Variants in PNLIPRP3 observed in about 807,000 individuals in gnomAD.
The protein encoded by PNLIPRP3 is pancreatic lipase-related protein 3.
A neutral mutation model predicts 52.8 loss-of-function variants in PNLIPRP3; 58 were observed. The observed-to-expected ratio is 1.10, with a 90% CI of 0.89 to 1.37. PNLIPRP3 has a LOEUF of 1.37. PNLIPRP3 is among the 40% of genes most tolerant of loss of function. The pLI is 0.00. For missense variants in PNLIPRP3, 593 were observed against 561.6 expected (o/e 1.06, Z -0.57); for synonymous variants, 192 against 185.0 (o/e 1.04, Z -0.31).
chr10:116,440,827 T>C (rs1845847825), intron 2 of PNLIPRP3, among the ~76,000 whole-genome samples: 1 of 152,218 alleles, frequency 6.6e-6, no homozygotes, highest in Non-Finnish European at 1.5e-5. Flanking sequence ...GTAGTTTCTG[T>C]GTCTGCAGCT....
chr10:116,442,548 C>T (rs1036640726), intron 2 of PNLIPRP3, among the ~76,000 whole-genome samples: 6 of 152,118 alleles, frequency 3.9e-5, no homozygotes, highest in African/African-American at 1.4e-4. Flanking sequence ...GTGTTGAATT[C>T]GTATACTGCA....
At chr10:116,469,659 C>T (rs549746850) in intron 9 of PNLIPRP3, among the ~76,000 whole-genome samples, 64 of 152,112 alleles carry the variant, frequency 4.2e-4, no homozygotes, top group Admixed American at 8.5e-4. Context: ...GAAGTGACCA[C>T]GTCTGTAAAT....
rs1416805162 is a variant in PNLIPRP3, at chr10:116,443,829, A to G, written c.325-553A>G. 9.2e-5 allele frequency among the ~76,000 whole-genome samples: 7 copies of G among 75,954 alleles called. 1 individual carries two copies. The highest frequency in any genetic ancestry group is 3.9e-4 in the East Asian group (1 of 2,582). 49.8% of individuals were successfully genotyped at this position (75,954 alleles called of 152,430 possible). A position where few individuals can be genotyped will look rare whatever the true frequency, so the allele number is the denominator to read the frequency against. On this transcript the variant is annotated intron_variant, in intron 3 of 11. Coordinates refer to ENST00000369230, the MANE Select transcript of PNLIPRP3 (RefSeq NM_001011709.3). ...TATATATATATATATATATATATAT[A>G]TATATATATATATATGGGTTAGGAC... is the stretch of plus-strand genomic sequence containing the variant.
At chr10:116,444,579 G>T in intron 4 of PNLIPRP3, 66 bp downstream of exon 4, 2 of 1,477,756 alleles carry the variant, frequency 1.4e-6, no homozygotes, top group South Asian at 1.2e-5. Context: ...TCAGAAGTTG[G>T]GACAATTTAA....
At chr10:116,455,666 T>G (rs949806696) in intron 4 of PNLIPRP3, 56 bp from the exon 5 acceptor site, 2 of 1,275,024 alleles carry the variant, frequency 1.6e-6, no homozygotes, top group Non-Finnish European at 2.3e-6. Context: ...TAAAGCATAT[T>G]TAAGCTATTC....
intron 10 of PNLIPRP3, among the ~76,000 whole-genome samples, chr10:116,476,344 A>G (rs755413750): frequency 2.6e-5 from 4 of 152,160 alleles, no homozygotes; most frequent in Non-Finnish European, 5.9e-5. Flanking sequence ...TGGTGTCAGT[A>G]TAATCTGGTT....
intron 5 of PNLIPRP3, among the ~76,000 whole-genome samples, chr10:116,458,450 CTTT>C (rs5788165): frequency 1.8e-4 from 26 of 143,204 alleles, no homozygotes; most frequent in East Asian, 6.1e-4. Context: ...GAAAGACTGT[CTTT>C]TTTTTTTTTT....
At chr10:116,433,677 G>C (rs1270802901) in intron 1 of PNLIPRP3, among the ~76,000 whole-genome samples, 1 of 151,490 alleles carries the variant, frequency 6.6e-6, no homozygotes, top group African/African-American at 2.5e-5. Flanking sequence ...AGTATTCTAA[G>C]TCTAGACACC....
chr10:116,449,350 A>G (rs1846003142), intron 4 of PNLIPRP3, among the ~76,000 whole-genome samples: 1 of 152,250 alleles, frequency 6.6e-6, no homozygotes, highest in South Asian at 2.1e-4. Flanking sequence ...CAAGAGATTC[A>G]TTTTATATTT....
rs1443565044 is a variant in PNLIPRP3, at chr10:116,469,253, C to A, written c.996C>A (p.Phe332Leu). 6.2e-7 allele frequency: 1 copy of A among 1,612,132 alleles called. No homozygotes were observed. Among genetic ancestry groups the A allele is most frequent in the South Asian group, 1.1e-5 (1 of 90,496 alleles). ...TMGHFADRFH[F>L]KNMKTNGSHY... ...GTCATTTTGCTGATAGATTTCACTT[C>A]AAAAATATGAAGACTAATGGATCAC... Residue 332 changes from phenylalanine to leucine, a missense_variant, in exon 9 of 12, where the codon TTC becomes TTA. Transcript: ENST00000369230.
chr10:116,431,641 G>C (rs1005745349), intron 1 of PNLIPRP3, among the ~76,000 whole-genome samples: 2 of 152,114 alleles, frequency 1.3e-5, no homozygotes, highest in Non-Finnish European at 2.9e-5. Context: ...CTTTAGGTCT[G>C]TTATTGCTGC....
chr10:116,451,479 G>A lies in PNLIPRP3; in HGVS notation c.457-4243G>A, dbSNP rs147139550. 6.7e-3 allele frequency among the ~76,000 whole-genome samples: 1,016 copies of A among 152,306 alleles called. 11 individuals carry two copies. The highest frequency in any genetic ancestry group is 0.021 in the African/African-American group (863 of 41,556). Reference sequence around the variant, plus strand: ...TCCCCTCCAAATCTTATGTTGAAATGTGGTCATCAATTTGGAGGTGGGAAT... The same window carrying A: ...TCCCCTCCAAATCTTATGTTGAAATATGGTCATCAATTTGGAGGTGGGAAT... On this transcript the variant is annotated intron_variant, in intron 4 of 11. Coordinates refer to ENST00000369230, the MANE Select transcript of PNLIPRP3 (RefSeq NM_001011709.3).
At chr10:116,432,990 T>G (rs1166642948) in intron 1 of PNLIPRP3, among the ~76,000 whole-genome samples, 1 of 151,360 alleles carries the variant, frequency 6.6e-6, no homozygotes, top group Non-Finnish European at 1.5e-5. Flanking sequence ...GGTGCACACC[T>G]GTAATCCCAG....
intron 1 of PNLIPRP3, among the ~76,000 whole-genome samples, chr10:116,429,271 T>C (rs1845677319): frequency 6.6e-6 from 1 of 152,186 alleles, no homozygotes; most frequent in African/African-American, 2.4e-5. Flanking sequence ...GAATTTTGTG[T>C]TAAGACTTGG....
At chr10:116,456,073 T>C (rs1367270060) in intron 5 of PNLIPRP3, among the ~76,000 whole-genome samples, 1 of 152,172 alleles carries the variant, frequency 6.6e-6, no homozygotes, top group Non-Finnish European at 1.5e-5. Context: ...TCACCCGCAA[T>C]TGAATGGTTG....
At chr10:116,440,010 C>CT in intron 2 of PNLIPRP3, 2 of 771,056 alleles carry the variant, frequency 2.6e-6, no homozygotes, top group Admixed American at 3.4e-5. Flanking sequence ...AAGCAGACAT[C>CT]TTGCCGTTTG....
In PNLIPRP3 at chr10:116,477,385, A is replaced by C; in HGVS notation, c.*232A>C. 2 of 338,968 alleles carry C rather than the reference A, an allele frequency of 5.9e-6. No individual in the cohort carries two copies. Among genetic ancestry groups the C allele is most frequent in the Non-Finnish European group, 1.1e-5 (2 of 190,072 alleles). 21.0% of individuals were successfully genotyped at this position (338,968 alleles called of 1,614,324 possible). A position where few individuals can be genotyped will look rare whatever the true frequency, so the allele number is the denominator to read the frequency against. ...AAGATAATTACTATGATCTGTAGGA[A>C]TCTGGATATCATTGACAAAATAGAG... On this transcript the variant is annotated 3_prime_UTR_variant, in exon 12 of 12. Transcript: ENST00000369230.
At chr10:116,451,144 A>G (rs762666931) in intron 4 of PNLIPRP3, among the ~76,000 whole-genome samples, 1 of 152,226 alleles carries the variant, frequency 6.6e-6, no homozygotes, top group Non-Finnish European at 1.5e-5. Flanking sequence ...CTGATCTTCC[A>G]CAAGGGTGCC....
rs1486295483 is a variant in PNLIPRP3, at chr10:116,476,733, C to G, written c.1254C>G (p.Phe418Leu). The G allele has an allele frequency of 6.2e-7, 1 of 1,609,490 alleles. No individual in the cohort carries two copies. The highest frequency in any genetic ancestry group is 1.3e-5 in the African/African-American group (1 of 74,850). Reference sequence around the variant, plus strand: ...TTGGAAACATTACAAGTGTTCAGTTCATCTGGAAAAAACATTTGTTTGAAG... The same window carrying G: ...TTGGAAACATTACAAGTGTTCAGTTGATCTGGAAAAAACATTTGTTTGAAG... ...VNVGNITSVQ[F>L]IWKKHLFEDS... is the part of the protein sequence containing the mutation. The change falls in exon 11 of 12, where the codon TTC becomes TTG. Residue 418 changes from phenylalanine (F) to leucine (L), a missense_variant. By Grantham distance (22) the Phe-to-Leu change is conservative. Coordinates refer to ENST00000369230, the MANE Select transcript of PNLIPRP3 (RefSeq NM_001011709.3).
Sources: gnomAD v4.1 joint callset for allele counts (sites outside exome capture counted in the v4.1 genomes callset) on GRCh38, gnomAD v4.1.1 for gene constraint, MANE v1.5 for transcripts, NCBI Gene and HGNC (gene_info 2026-07-23, HGNC 2026-07-21) for gene names.